The following C9orf78 variants were observed in gnomAD, a reference collection of about 807,000 sequenced individuals.
C9orf78 encodes the protein chromosome 9 open reading frame 78, also known as splicing factor C9orf78.
Under a neutral mutation model 37.4 loss-of-function variants are expected in C9orf78, and 19 were observed. That is an observed-to-expected ratio of 0.51 (90% CI 0.35 to 0.74). The LOEUF is 0.74. Ranked by LOEUF, C9orf78 falls within the 30% of genes least tolerant of loss-of-function variation. The probability of loss-of-function intolerance (pLI) is 0.01; values close to 1 mark genes in which losing one functional copy is unlikely to be tolerated. For missense variants in C9orf78, 291 were observed against 370.8 expected (o/e 0.78, Z 1.77); for synonymous variants, 130 against 128.0 (o/e 1.02, Z -0.10).
intron 4 of C9orf78, among the ~76,000 whole-genome samples, chr9:129,832,279 A>G (rs2031519971): frequency 6.6e-6 from 1 of 152,200 alleles, no homozygotes; most frequent in South Asian, 2.1e-4. Context: ...CCCTTACATA[A>G]AATAGTATAA....
intron 5 of C9orf78, 37 bp from the exon 6 acceptor site, chr9:129,831,105 G>A (rs1414057246): frequency 7.6e-7 from 1 of 1,315,646 alleles, no homozygotes; most frequent in Admixed American, 1.7e-5. Flanking sequence ...GGGAGGGGTG[G>A]GAAACACACA....
intron 8 of C9orf78, chr9:129,828,861 G>C (rs1465217424): frequency 1.0e-5 from 4 of 385,280 alleles, no homozygotes; most frequent in Non-Finnish European, 2.0e-5. Context: ...TTCCCCAGCA[G>C]CTGAGACTAC....
intron 8 of C9orf78, 159 bp from the exon 9 acceptor site, chr9:129,828,411 C>CTTTTTTTTTTTTT (rs58939598): frequency 2.7e-6 from 1 of 376,758 alleles, no homozygotes; most frequent in Non-Finnish European, 5.0e-6. Context: ...ACGTATTTGT[C>CTTTTTTTTTTTTT]TTTTTTTTTT....
chr9:129,832,705 C>T (rs34904094), intron 4 of C9orf78, among the ~76,000 whole-genome samples: 34,958 of 152,192 alleles, frequency 0.23, 4,105 homozygotes, highest in Middle Eastern at 0.27. Context: ...TCCTGAAGTG[C>T]TGGCATTACA....
Position 129,834,567 on chromosome 9 carries a change from G to C in C9orf78, c.143+140C>G, listed in dbSNP as rs1162577717. 6 of 670,220 alleles carry C rather than the reference G, an allele frequency of 9.0e-6. No individual in the cohort carries two copies. In the East Asian group the frequency reaches 1.6e-4, roughly 18 times the overall value. 41.5% of individuals were successfully genotyped at this position (670,220 alleles called of 1,614,324 possible). A position where few individuals can be genotyped will look rare whatever the true frequency, so the allele number is the denominator to read the frequency against. ...TGGTTAAACATTTGCAAAGAACGCT[G>C]TTCTCCAAGTTGGGCAGTGGAAGGT... On this transcript the variant is annotated intron_variant, in intron 2 of 8. Transcript: ENST00000372447.
rs2031649383 is a variant in C9orf78 at position 129,834,718 on chromosome 9, G to A, written c.132C>T (p.Pro44=). Residue 44 remains proline, a synonymous_variant, in exon 2 of 9, where the codon CCC becomes CCT. Transcript: ENST00000372447. The part of the protein sequence containing the change: ...TREVQNLRKR[P]NGVSAVALLV... ...CGCGTGGTACCCACCTCACCCCGTT[G>A]GGCCTCTTCCTCAAGTTCTGTACCT... is the stretch of plus-strand genomic sequence containing the variant. The A allele has an allele frequency of 3.7e-6, 6 of 1,611,680 alleles. No individual in the cohort carries two copies. Among genetic ancestry groups the A allele is most frequent in the Admixed American group, 1.7e-5 (1 of 59,986 alleles).
In C9orf78 at chr9:129,829,398, G is replaced by C. The variant is rs1377073600; in HGVS notation, c.679+7C>G. 3 of 1,612,886 alleles carry C rather than the reference G, an allele frequency of 1.9e-6. No individual in the cohort carries two copies. Among genetic ancestry groups the C allele is most frequent in the Non-Finnish European group, 2.5e-6 (3 of 1,179,128 alleles). Reference sequence around the variant, plus strand: ...ATGGGGGCAAGACTGCTCTCCGAGGGGCTTACATCTGTTGTGCTGCACATA... The same window carrying C: ...ATGGGGGCAAGACTGCTCTCCGAGGCGCTTACATCTGTTGTGCTGCACATA... On this transcript the variant is annotated splice_region_variant and intron_variant, in intron 7 of 8. Coordinates refer to ENST00000372447, the MANE Select transcript of C9orf78 (RefSeq NM_016520.3).
chr9:129,832,586 C>T (rs1285006670), intron 4 of C9orf78, among the ~76,000 whole-genome samples: 2 of 151,810 alleles, frequency 1.3e-5, no homozygotes, highest in Admixed American at 6.6e-5. Context: ...TTACGGGTGC[C>T]CACCACAATG....
intron 5 of C9orf78, 96 bp from the exon 6 acceptor site, chr9:129,831,164 TGACA>T: frequency 1.3e-6 from 1 of 779,890 alleles, no homozygotes; most frequent in Non-Finnish European, 2.3e-6. Flanking sequence ...CGCAGACCAG[TGACA>T]GTCCATGGAG....
intron 2 of C9orf78, 100 bp downstream of exon 2, chr9:129,834,607 G>A: frequency 1.2e-6 from 1 of 826,386 alleles, no homozygotes; most frequent in Non-Finnish European, 2.0e-6. Flanking sequence ...AGTGTGTCAA[G>A]AGAAAAATCT....
In C9orf78 at chr9:129,834,785, G is replaced by A. The variant is rs774632595; in HGVS notation, c.84-19C>T. ...TTTTAATCTTTAAAAAGAAGAAGAA[G>A]CAGCAATGCATAAGCTGAGTGATTC... is the stretch of plus-strand genomic sequence containing the variant. On this transcript the variant is annotated intron_variant, in intron 1 of 8. Transcript: ENST00000372447. The A allele has an allele frequency of 1.6e-5, 25 of 1,578,142 alleles. No individual in the cohort carries two copies. In the Admixed American group the frequency reaches 2.8e-4, roughly 18 times the overall value.
chr9:129,829,658 G>T, intron 6 of C9orf78, 117 bp from the exon 7 acceptor site: 1 of 822,308 alleles, frequency 1.2e-6, no homozygotes, highest in Non-Finnish European at 2.0e-6. Flanking sequence ...CTGGGGCACA[G>T]CTCTCCACTT....
rs775004755 is a variant in C9orf78 at position 129,834,697 on chromosome 9, T to C, written c.143+10A>G. On this transcript the variant is annotated intron_variant, in intron 2 of 8. Transcript: ENST00000372447. The stretch of plus-strand genomic sequence containing the variant: ...CCGCCGCCTCCTCCTCCTCCCCGCG[T>C]GGTACCCACCTCACCCCGTTGGGCC... 2.5e-6 allele frequency: 4 copies of C among 1,604,618 alleles called. No individual in the cohort carries two copies. In the South Asian group the frequency reaches 4.4e-5, roughly 18 times the overall value.
intron 6 of C9orf78, chr9:129,829,833 T>G (rs1564187553): frequency 6.6e-6 from 2 of 304,430 alleles, no homozygotes; most frequent in South Asian, 7.2e-5. Context: ...CCTCCCAGCT[T>G]TCTACTGTAC....
In C9orf78 at chr9:129,828,122, G is replaced by C; in HGVS notation, c.*39C>G. Reference sequence around the variant, plus strand: ...AGCCATTTTTCATGGGAGGGATATAGGGAGAGGAAGGCGATATTTACATCC... The same window carrying C: ...AGCCATTTTTCATGGGAGGGATATACGGAGAGGAAGGCGATATTTACATCC... On this transcript the variant is annotated 3_prime_UTR_variant, in exon 9 of 9. Transcript: ENST00000372447. 8.3e-7 allele frequency: 1 copy of C among 1,201,248 alleles called. No individual in the cohort carries two copies. Among genetic ancestry groups the C allele is most frequent in the Non-Finnish European group, 1.2e-6 (1 of 810,444 alleles). The allele number at this position is 1,201,248 out of a possible 1,614,324, so 74.4% of individuals were successfully genotyped here.
Position 129,829,474 on chromosome 9 carries a change from T to C in C9orf78, c.610A>G (p.Lys204Glu), listed in dbSNP as rs1391519751. The change falls in exon 7 of 9, where the codon AAG becomes GAG. Residue 204 changes from lysine to glutamate, a missense_variant. Physicochemically the swap from Lys to Glu is moderately conservative, Grantham distance 56. Transcript: ENST00000372447. Reference sequence around the variant, plus strand: ...AAGGAGGTCTCGCTGTCTTTCTTCTTGTTCTGCTGCTCTGCCAGCAGACGG... The same window carrying C: ...AAGGAGGTCTCGCTGTCTTTCTTCTCGTTCTGCTGCTCTGCCAGCAGACGG... ...KARLLAEQQN[K>E]KKDSETSFVP... 4.3e-6 allele frequency: 7 copies of C among 1,613,978 alleles called. No individual in the cohort carries two copies. Among genetic ancestry groups the C allele is most frequent in the Non-Finnish European group, 5.9e-6 (7 of 1,179,990 alleles).
chr9:129,829,795 T>C (rs1357256857), intron 6 of C9orf78: 15 of 395,532 alleles, frequency 3.8e-5, no homozygotes, highest in Non-Finnish European at 6.8e-5. Context: ...GGCTCAAAGT[T>C]TGTAAAGGCC....
chr9:129,834,001 C>T, intron 2 of C9orf78: 1 of 402,044 alleles, frequency 2.5e-6, no homozygotes, highest in Non-Finnish European at 4.5e-6. Context: ...ATATTCTCAT[C>T]ATGGAAAGTG....
intron 6 of C9orf78, chr9:129,830,241 A>C (rs1739537618): frequency 6.6e-6 from 1 of 150,792 alleles, no homozygotes; most frequent in Non-Finnish European, 1.5e-5. Flanking sequence ...AACAGGCACA[A>C]GTCACCATGT....
Sources: gnomAD v4.1 joint callset for allele counts (sites outside exome capture counted in the v4.1 genomes callset) on GRCh38, gnomAD v4.1.1 for gene constraint, MANE v1.5 for transcripts, NCBI Gene and HGNC (gene_info 2026-07-23, HGNC 2026-07-21) for gene names.